FAM171A1: variants seen among roughly 807,000 people sequenced by gnomAD.
The protein encoded by FAM171A1 is family with sequence similarity 171 member A1.
FAM171A1 carries 23 observed loss-of-function variants against 74.9 expected under a neutral mutation model. That is an observed-to-expected ratio of 0.31 (90% confidence interval 0.22 to 0.44). The LOEUF is 0.44. Among genes scored for constraint, FAM171A1 ranks in the 20% least tolerant of loss-of-function variants. The probability of loss-of-function intolerance (pLI) is 1.00; values close to 1 mark genes in which losing one functional copy is unlikely to be tolerated. For synonymous variants in FAM171A1, 527 were observed against 505.7 expected (o/e 1.04, Z -0.57); for missense variants, 1,162 against 1,159.2 (o/e 1.00, Z -0.03).
chr10:15,314,708 G>T (rs1387401739), intron 1 of FAM171A1, among the ~76,000 whole-genome samples: 7 of 152,238 alleles, frequency 4.6e-5, no homozygotes. Flanking sequence ...TGCTGGTGCA[G>T]ATCAAGGCAT....
chr10:15,342,358 T>C (rs947242825), intron 1 of FAM171A1, among the ~76,000 whole-genome samples: 46 of 152,284 alleles, frequency 3.0e-4, no homozygotes, highest in African/African-American at 1.0e-3. Context: ...TCGCTTGCAG[T>C]CAGGAGTTCG....
chr10:15,329,170 A>T (rs1339289570), intron 1 of FAM171A1, among the ~76,000 whole-genome samples: 1 of 152,206 alleles, frequency 6.6e-6, no homozygotes, highest in Non-Finnish European at 1.5e-5. Context: ...TATTTTTAGT[A>T]GATATTCATG....
In FAM171A1 at chr10:15,213,639, T is replaced by A. The variant is rs781069456; in HGVS notation, c.1949A>T (p.Asp650Val). 8 of 1,614,148 alleles carry A rather than the reference T, an allele frequency of 5.0e-6. No individual in the cohort carries two copies. The South Asian group carries it at 8.8e-5, about 18-fold the overall frequency. Residue 650 changes from aspartate (D) to valine (V), a missense_variant, in exon 8 of 8, where the codon GAT becomes GTT. Coordinates refer to ENST00000378116, the MANE Select transcript of FAM171A1 (RefSeq NM_001010924.2). This position sits in a 1 kb window ranked among gnomAD's most constrained non-coding sequence, Gnocchi z 6.8. ...SQAISQQHLQ[D>V]AGTREWSPQN... is the part of the protein sequence containing the mutation. ...AGGGCTCCACTCCCGGGTGCCCGCA[T>A]CCTGCAGGTGCTGCTGAGAGATGGC...
chr10:15,348,908 T>G (rs1178621921), intron 1 of FAM171A1, among the ~76,000 whole-genome samples: 2 of 152,228 alleles, frequency 1.3e-5, no homozygotes, highest in Non-Finnish European at 2.9e-5. Context: ...TGACCTTTTC[T>G]CTAAAGCAAC....
intron 1 of FAM171A1, among the ~76,000 whole-genome samples, chr10:15,369,552 G>A (rs1246220909): frequency 2.6e-5 from 4 of 152,158 alleles, no homozygotes; most frequent in Non-Finnish European, 2.9e-5. Context: ...ATTCATAACG[G>A]TCATATTCTA....
At chr10:15,287,860 CAT>C (rs555453341) in intron 1 of FAM171A1, among the ~76,000 whole-genome samples, 44 of 152,232 alleles carry the variant, frequency 2.9e-4, no homozygotes, top group African/African-American at 1.0e-3. Flanking sequence ...CTGGTGCGCC[CAT>C]CACCCAAGTA....
At chr10:15,262,079 C>A (rs532267201) in intron 3 of FAM171A1, among the ~76,000 whole-genome samples, 1 of 152,308 alleles carries the variant, frequency 6.6e-6, no homozygotes, top group African/African-American at 2.4e-5. Context: ...TGCACTACTG[C>A]ACTCCAGTCC....
Position 15,213,542 on chromosome 10 carries a change from G to C in FAM171A1, c.2046C>G (p.Asn682Lys), listed in dbSNP as rs1429389831. The change falls in exon 8 of 8, where the codon AAC becomes AAG. Residue 682 changes from asparagine to lysine, a missense_variant. By Grantham distance (94) the Asn-to-Lys change is moderately conservative (BLOSUM62 0). Transcript: ENST00000378116. This position sits in a 1 kb window ranked among gnomAD's most constrained non-coding sequence, Gnocchi z 6.8. The stretch of plus-strand genomic sequence containing the variant: ...TTTCAGTCAGGAGCTGCACCTCACT[G>C]TTCATCTGAGCCAAAGCCGCGTCGT... Reference protein sequence around the residue: ...SLNDAALAQMNSEVQLLTEKA... With the variant: ...SLNDAALAQMKSEVQLLTEKA... 1 of 1,614,156 alleles carries C rather than the reference G, an allele frequency of 6.2e-7. No individual in the cohort carries two copies.
At chr10:15,330,203 A>T (rs1220943403) in intron 1 of FAM171A1, among the ~76,000 whole-genome samples, 1 of 152,022 alleles carries the variant, frequency 6.6e-6, no homozygotes, top group Non-Finnish European at 1.5e-5. Flanking sequence ...TTAGCCTGGC[A>T]TGGTGGTGCA....
intron 1 of FAM171A1, among the ~76,000 whole-genome samples, chr10:15,354,510 G>C (rs1434770260): frequency 6.6e-6 from 1 of 151,794 alleles, no homozygotes; most frequent in Non-Finnish European, 1.5e-5. Context: ...AAAAGTGGTG[G>C]ACGGTGGAAC....
chr10:15,224,147 T>C (rs182631798), intron 5 of FAM171A1, among the ~76,000 whole-genome samples: 2 of 152,112 alleles, frequency 1.3e-5, no homozygotes, highest in East Asian at 3.9e-4. Context: ...GGGATGAGTT[T>C]AGTTTTGATG....
At chr10:15,300,099 G>T (rs911585448) in intron 1 of FAM171A1, among the ~76,000 whole-genome samples, 1 of 152,216 alleles carries the variant, frequency 6.6e-6, no homozygotes, top group Non-Finnish European at 1.5e-5. Context: ...GGTCCCTGGA[G>T]CAGCTGAAGT....
chr10:15,352,055 T>C, intron 1 of FAM171A1, among the ~76,000 whole-genome samples: 1 of 67,828 alleles, frequency 1.5e-5, no homozygotes. Flanking sequence ...ACAAAAAAAA[T>C]ACAATTTTTT....
At chr10:15,254,128 A>G (rs373410593) in intron 4 of FAM171A1, among the ~76,000 whole-genome samples, 5 of 152,196 alleles carry the variant, frequency 3.3e-5, no homozygotes, top group African/African-American at 1.2e-4. Flanking sequence ...GCAGAGAAAG[A>G]AACGATGTGG....
chr10:15,346,714 C>T (rs1348404462), intron 1 of FAM171A1, among the ~76,000 whole-genome samples: 1 of 152,092 alleles, frequency 6.6e-6, no homozygotes, highest in Non-Finnish European at 1.5e-5. Context: ...TCCAGCACAC[C>T]CAACTCCACT....
At chr10:15,234,828 TA>T (rs200411717) in intron 5 of FAM171A1, among the ~76,000 whole-genome samples, 17,482 of 151,502 alleles carry the variant, frequency 0.12, 1,037 homozygotes, top group Middle Eastern at 0.17. Flanking sequence ...AATTTTTATT[TA>T]TTTTTTGTAT....
At chr10:15,219,804 T>G (rs1170295973) in intron 6 of FAM171A1, among the ~76,000 whole-genome samples, 1 of 152,182 alleles carries the variant, frequency 6.6e-6, no homozygotes, top group Non-Finnish European at 1.5e-5. Context: ...ATGGTCTTGA[T>G]CTCCTGACCT....
chr10:15,350,273 C>T (rs549290920), intron 1 of FAM171A1, among the ~76,000 whole-genome samples: 1 of 123,802 alleles, frequency 8.1e-6, no homozygotes, highest in East Asian at 2.0e-4. Flanking sequence ...AGCTACAATC[C>T]ACAGGGATGG....
intron 1 of FAM171A1, among the ~76,000 whole-genome samples, chr10:15,289,149 G>A (rs1360369613): frequency 6.6e-6 from 1 of 152,024 alleles, no homozygotes; most frequent in African/African-American, 2.4e-5. Flanking sequence ...CAGCCCACAG[G>A]GGCATCATCG....
Sources: allele counts gnomAD v4.1 joint callset (sites outside exome capture counted in the v4.1 genomes callset), GRCh38; gene constraint gnomAD v4.1.1; non-coding constraint Gnocchi (gnomAD v3.1); transcripts MANE v1.5; gene names NCBI Gene and HGNC (gene_info 2026-07-23, HGNC 2026-07-21).